Variants in BDKRB2 observed in about 807,000 individuals in gnomAD.
BDKRB2 encodes the protein B2 bradykinin receptor.
BDKRB2 carries 6 observed loss-of-function variants against 4.0 expected under a neutral mutation model. The observed-to-expected ratio is 1.49, with a 90% CI of 0.81 to 2.93. The LOEUF (loss-of-function observed/expected upper bound fraction) is 2.93, where lower values mean the gene tolerates loss of function less well. Among genes scored for constraint, BDKRB2 ranks in the 30% most tolerant of loss-of-function variants. The pLI, the probability that BDKRB2 is intolerant of heterozygous loss-of-function variation, is 0.00. For missense variants in BDKRB2, 478 were observed against 520.1 expected (o/e 0.92, Z 0.79); for synonymous variants, 225 against 215.3 (o/e 1.05, Z -0.40).
intron 1 of BDKRB2, among the ~76,000 whole-genome samples, chr14:96,215,184 T>A (rs1890389938): frequency 6.6e-6 from 1 of 152,228 alleles, no homozygotes. Flanking sequence ...ATTTGGTATT[T>A]TGCCTTCTCA....
intron 2 of BDKRB2, chr14:96,238,653 A>C: frequency 1.0e-6 from 1 of 970,610 alleles, no homozygotes; most frequent in Non-Finnish European, 1.2e-6. Flanking sequence ...ACATACCAAC[A>C]GCTTCCCCAG....
chr14:96,237,926 G>A, intron 2 of BDKRB2: 1 of 1,231,502 alleles, frequency 8.1e-7, no homozygotes, highest in Non-Finnish European at 1.0e-6. Flanking sequence ...GGTCTCTAGT[G>A]AGTTAGCTCA....
chr14:96,241,924 G>C lies in BDKRB2; in HGVS notation c.*420G>C, dbSNP rs1885303485. ...TGGTGCAATGGCTGAGTGCACAAGT[G>C]AGTTGTTGCCCTGGGTTTCTTTAAT... On this transcript the variant is annotated 3_prime_UTR_variant, in exon 3 of 3. Transcript: ENST00000554311. The C allele has an allele frequency of 6.1e-6, 1 of 163,276 alleles. No individual in the cohort carries two copies. Among genetic ancestry groups the C allele is most frequent in the Admixed American group, 6.1e-5 (1 of 16,298 alleles). The allele number at this position is 163,276 out of a possible 1,614,324, so 10.1% of individuals were successfully genotyped here. A position where few individuals can be genotyped will look rare whatever the true frequency, so the allele number is the denominator to read the frequency against.
At chr14:96,211,859 C>T (rs1209560421) in intron 1 of BDKRB2, among the ~76,000 whole-genome samples, 1 of 152,200 alleles carries the variant, frequency 6.6e-6, no homozygotes, top group Non-Finnish European at 1.5e-5. Context: ...CGGTGCATTA[C>T]AGGGCAGTCC....
intron 1 of BDKRB2, 22 bp from the exon 2 acceptor site, chr14:96,237,047 C>A: frequency 7.1e-7 from 1 of 1,415,786 alleles, no homozygotes; most frequent in Non-Finnish European, 1.0e-6. Context: ...TGCCATCTAA[C>A]CATCTTTTCT....
intron 1 of BDKRB2, among the ~76,000 whole-genome samples, chr14:96,229,095 G>A (rs1055749737): frequency 1.3e-5 from 2 of 152,050 alleles, no homozygotes; most frequent in Non-Finnish European, 2.9e-5. Flanking sequence ...GGAGAAATAA[G>A]GATCACACCC....
At position 96,241,121 on chromosome 14, in the gene BDKRB2, G is replaced by T; in HGVS notation, c.793G>T (p.Glu265Ter). The change falls in exon 3 of 3, where the codon GAG (glutamate) becomes TAG (stop). Residue 265 changes from glutamate (E) to a stop codon, truncating the protein, a stop_gained. Transcript: ENST00000554311. LOFTEE classifies it low-confidence loss of function (END_TRUNC). ...EMQKFKEIQT[E>*]RRATVLVLVV... The stretch of plus-strand genomic sequence containing the variant: ...GCAGAAGTTCAAGGAGATCCAGACA[G>T]AGAGGAGGGCCACGGTGCTAGTCCT... 6.2e-7 allele frequency: 1 copy of T among 1,613,206 alleles called. No homozygotes were observed.
chr14:96,223,544 TG>T lies in BDKRB2; in HGVS notation c.-39-13524del, dbSNP rs1595254650. 2.0e-5 allele frequency among the ~76,000 whole-genome samples: 3 copies of T among 152,242 alleles called. No individual in the cohort carries two copies. In the East Asian group the frequency reaches 5.8e-4, roughly 29 times the overall value. ...CACCACCATAGCCCAGCCAGATGAG[TG>T]CTCTGTGGACCCACAGCCTCAGCTG... On this transcript the variant is annotated intron_variant, in intron 1 of 2. Coordinates refer to ENST00000554311, the MANE Select transcript of BDKRB2 (RefSeq NM_001379692.1).
rs1377971534 is a variant in BDKRB2, at chr14:96,240,527, C to T, written c.199C>T (p.Leu67=). The T allele has an allele frequency of 6.3e-7, 1 of 1,582,168 alleles. No individual in the cohort carries two copies. The highest frequency in any genetic ancestry group is 1.8e-5 in the Admixed American group (1 of 55,448). ...CATCCAGCCCCCCTTCCTCTGGGTG[C>T]TGTTCGTGCTGGCCACCCTAGAGAA... The part of the protein sequence containing the change: ...NTIQPPFLWV[L]FVLATLENIF... Residue 67 remains leucine, a synonymous_variant, in exon 3 of 3, where the codon CTG becomes TTG. Transcript: ENST00000554311.
chr14:96,205,220 T>G (rs1215425250), intron 1 of BDKRB2, among the ~76,000 whole-genome samples: 3 of 152,168 alleles, frequency 2.0e-5, no homozygotes, highest in Non-Finnish European at 4.4e-5. Flanking sequence ...CTTGTGTGTG[T>G]CCAGTGTGTG....
At chr14:96,224,387 G>A (rs998609285) in intron 1 of BDKRB2, among the ~76,000 whole-genome samples, 20 of 152,136 alleles carry the variant, frequency 1.3e-4, no homozygotes, top group Admixed American at 1.1e-3. Flanking sequence ...CTGTTTGCTC[G>A]TCTGCAAAAT....
intron 1 of BDKRB2, among the ~76,000 whole-genome samples, chr14:96,219,546 A>C (rs1202698871): frequency 6.6e-6 from 1 of 151,612 alleles, no homozygotes; most frequent in Non-Finnish European, 1.5e-5. Flanking sequence ...AATGGTTAAC[A>C]ACTGGCTCTC....
At chr14:96,208,769 G>A (rs1488957826) in intron 1 of BDKRB2, among the ~76,000 whole-genome samples, 3 of 152,148 alleles carry the variant, frequency 2.0e-5, no homozygotes, top group Non-Finnish European at 2.9e-5. Flanking sequence ...TCCTTCTCAC[G>A]CTTCTCTTCA....
chr14:96,240,067 T>C (rs2069587), intron 2 of BDKRB2: 32,620 of 1,050,038 alleles, frequency 0.031, 632 homozygotes, highest in East Asian at 0.12. Context: ...AAGGAAGGAA[T>C]GTGAATCCTC....
chr14:96,225,728 A>C (rs1192615353), intron 1 of BDKRB2, among the ~76,000 whole-genome samples: 8 of 152,118 alleles, frequency 5.3e-5, no homozygotes, highest in Non-Finnish European at 8.8e-5. Flanking sequence ...GCAGGGCCCA[A>C]ACCAGTTCAG....
intron 1 of BDKRB2, among the ~76,000 whole-genome samples, chr14:96,209,855 G>A (rs1311472609): frequency 1.3e-5 from 2 of 152,100 alleles, no homozygotes; most frequent in Admixed American, 6.5e-5. Flanking sequence ...AACTAGCCAG[G>A]CACGGTGGTG....
At chr14:96,240,350 G>A in intron 2 of BDKRB2, 53 bp from the exon 3 acceptor site, 3 of 1,408,362 alleles carry the variant, frequency 2.1e-6, no homozygotes, top group Non-Finnish European at 2.8e-6. Flanking sequence ...ACCAGTTTTT[G>A]TCCTTCCCTT....
At chr14:96,226,223 G>A (rs1890693925) in intron 1 of BDKRB2, among the ~76,000 whole-genome samples, 3 of 152,182 alleles carry the variant, frequency 2.0e-5, no homozygotes, top group Admixed American at 2.0e-4. Flanking sequence ...AAGGTTTGAT[G>A]TAAGCTCCCC....
intron 1 of BDKRB2, among the ~76,000 whole-genome samples, chr14:96,235,962 C>A (rs898675419): frequency 6.6e-6 from 1 of 152,106 alleles, no homozygotes; most frequent in Non-Finnish European, 1.5e-5. Context: ...CCACCTCTAG[C>A]CATGGGACTG....
Sources: gnomAD v4.1 joint callset for allele counts (sites outside exome capture counted in the v4.1 genomes callset) on GRCh38, gnomAD v4.1.1 for gene constraint, MANE v1.5 for transcripts, NCBI Gene and HGNC (gene_info 2026-07-23, HGNC 2026-07-21) for gene names.